NEXMIF: variants seen among roughly 807,000 people sequenced by gnomAD.
NEXMIF encodes the protein neurite extension and migration factor.
A neutral mutation model predicts 62.1 loss-of-function variants in NEXMIF; 8 were observed. The observed-to-expected ratio is 0.13, with a 90% CI of 0.08 to 0.23. NEXMIF has a LOEUF of 0.23. Among genes scored for constraint, NEXMIF ranks in the 10% least tolerant of loss-of-function variants. The probability of loss-of-function intolerance (pLI) is 1.00; values close to 1 mark genes in which losing one functional copy is unlikely to be tolerated. For synonymous variants in NEXMIF, 404 were observed against 416.6 expected (o/e 0.97, Z 0.37); for missense variants, 976 against 1,113.3 (o/e 0.88, Z 1.75).
rs762937644 is a variant in NEXMIF at position 74,839,385 on chromosome X, T to C, written c.-48+85498A>G. Among the ~76,000 whole-genome samples, 6 of 112,188 alleles carry C rather than the reference T, an allele frequency of 5.3e-5. No homozygotes were observed. The South Asian group carries it at 1.9e-3, about 35-fold the overall frequency. ...TAGAAGAGCCTTCTAACTACAACTG[T>C]AGCATTTTTAATTGCCCAAATTGGG... is the stretch of plus-strand genomic sequence containing the variant. On this transcript the variant is annotated intron_variant, in intron 1 of 3. Coordinates refer to ENST00000055682, the MANE Select transcript of NEXMIF (RefSeq NM_001008537.3).
At chrX:74,786,360 T>G (rs1278602491) in intron 1 of NEXMIF, among the ~76,000 whole-genome samples, 2 of 111,510 alleles carry the variant, frequency 1.8e-5, no homozygotes, top group African/African-American at 6.5e-5. Context: ...AGTTGTCTTT[T>G]CAAGAGCTGG....
chrX:74,919,360 A>G (rs1294205992), intron 1 of NEXMIF, among the ~76,000 whole-genome samples: 1 of 111,407 alleles, frequency 9.0e-6, no homozygotes, highest in East Asian at 2.8e-4. Flanking sequence ...GGGTTAGGGG[A>G]CTATAATGTC....
chrX:74,781,971 C>T (rs1252160813), intron 1 of NEXMIF, among the ~76,000 whole-genome samples: 1 of 112,379 alleles, frequency 8.9e-6, no homozygotes, highest in East Asian at 2.8e-4. Flanking sequence ...GAATGACTGA[C>T]TGAAAATTTG....
At chrX:74,761,703 T>A (rs1474459327) in intron 1 of NEXMIF, among the ~76,000 whole-genome samples, 1 of 111,551 alleles carries the variant, frequency 9.0e-6, no homozygotes, top group Non-Finnish European at 1.9e-5. Context: ...TTTGAATGGT[T>A]TTTCGTGTCT....
At chrX:74,911,995 G>A (rs758965388) in intron 1 of NEXMIF, among the ~76,000 whole-genome samples, 6 of 111,812 alleles carry the variant, frequency 5.4e-5, no homozygotes, top group Non-Finnish European at 9.4e-5. Flanking sequence ...AAAATATAAC[G>A]AACTGCCCCA....
At chrX:74,830,351 G>C (rs2080432111) in intron 1 of NEXMIF, among the ~76,000 whole-genome samples, 1 of 111,455 alleles carries the variant, frequency 9.0e-6, no homozygotes, top group Non-Finnish European at 1.9e-5. Context: ...TCGAACACGA[G>C]CTCATCATAG....
chrX:74,847,225 G>T (rs2080494783), intron 1 of NEXMIF, among the ~76,000 whole-genome samples: 1 of 112,301 alleles, frequency 8.9e-6, no homozygotes, highest in Admixed American at 9.4e-5. Context: ...GAGAGAAGAT[G>T]AATTGAAACC....
chrX:74,890,766 C>G (rs1324014055), intron 1 of NEXMIF, among the ~76,000 whole-genome samples: 5 of 110,874 alleles, frequency 4.5e-5, no homozygotes, highest in African/African-American at 1.6e-4. Context: ...TGTGAAAACA[C>G]AAGAGATGGT....
At chrX:74,872,341 C>A (rs1190622948) in intron 1 of NEXMIF, among the ~76,000 whole-genome samples, 1 of 107,337 alleles carries the variant, frequency 9.3e-6, no homozygotes, top group African/African-American at 3.4e-5. Flanking sequence ...ACAAACTTCA[C>A]ATGCTGTCAC....
At chrX:74,748,113 G>C (rs1049768841) in intron 1 of NEXMIF, among the ~76,000 whole-genome samples, 1 of 112,263 alleles carries the variant, frequency 8.9e-6, no homozygotes, top group African/African-American at 3.2e-5. Flanking sequence ...GATACACTTT[G>C]GCAAAAGATA....
intron 1 of NEXMIF, among the ~76,000 whole-genome samples, chrX:74,906,146 G>A (rs1351957891): frequency 2.7e-5 from 3 of 109,364 alleles, no homozygotes; most frequent in South Asian, 4.0e-4. Flanking sequence ...GGTGGCACAC[G>A]CCTGTAATGC....
chrX:74,785,199 C>G (rs1339101674), intron 1 of NEXMIF, among the ~76,000 whole-genome samples: 2 of 111,188 alleles, frequency 1.8e-5, no homozygotes, highest in African/African-American at 6.5e-5. Flanking sequence ...ATCAGTGAAC[C>G]TGGGGATAGT....
chrX:74,910,036 T>C (rs1006371929), intron 1 of NEXMIF, among the ~76,000 whole-genome samples: 9 of 112,619 alleles, frequency 8.0e-5, no homozygotes, highest in Non-Finnish European at 1.3e-4. Flanking sequence ...GAACCTCTGC[T>C]AGGGCAGTGC....
intron 1 of NEXMIF, among the ~76,000 whole-genome samples, chrX:74,922,893 TGGGACAGCCAGGTA>T (rs2080831832): frequency 8.9e-6 from 1 of 111,767 alleles, no homozygotes. Flanking sequence ...GGGGGCCAGT[TGGGACAGCCAGGTA>T]GAGAATTCAT....
At chrX:74,873,700 G>A (rs1290995404) in intron 1 of NEXMIF, among the ~76,000 whole-genome samples, 2 of 112,117 alleles carry the variant, frequency 1.8e-5, no homozygotes, top group East Asian at 5.6e-4. Flanking sequence ...GTGTGAGATG[G>A]TGATCTCATT....
rs1602254409 is a variant in NEXMIF, at chrX:74,861,653, G to A, written c.-48+63230C>T. 2.7e-5 allele frequency among the ~76,000 whole-genome samples: 3 copies of A among 111,789 alleles called. 1 individual carries two copies. In the Admixed American group the frequency reaches 2.9e-4, roughly 11 times the overall value. On this transcript the variant is annotated intron_variant, in intron 1 of 3. Transcript: ENST00000055682. ...CAGACTAAGAGTGGATCTCTCAGCA[G>A]AAACCCTACAAGCCAGAAGAGATTG...
intron 1 of NEXMIF, among the ~76,000 whole-genome samples, chrX:74,800,619 C>T (rs2080326841): frequency 9.1e-6 from 1 of 110,026 alleles, no homozygotes; most frequent in South Asian, 3.9e-4. Flanking sequence ...GTTTTCTGTC[C>T]CTATAGTTTT....
chrX:74,828,859 C>T (rs1314149571), intron 1 of NEXMIF, among the ~76,000 whole-genome samples: 1 of 111,745 alleles, frequency 8.9e-6, no homozygotes, highest in East Asian at 2.8e-4. Flanking sequence ...ATTTGTGCTA[C>T]GGAATCAGCA....
chrX:74,796,548 A>C (rs1187656068), intron 1 of NEXMIF, among the ~76,000 whole-genome samples: 1 of 107,755 alleles, frequency 9.3e-6, no homozygotes, highest in Non-Finnish European at 1.9e-5. Flanking sequence ...ACACAAGATG[A>C]GCCTGGAGTA....
Sources: allele counts gnomAD v4.1 joint callset (sites outside exome capture counted in the v4.1 genomes callset), GRCh38; gene constraint gnomAD v4.1.1; transcripts MANE v1.5; gene names NCBI Gene and HGNC (gene_info 2026-07-23, HGNC 2026-07-21).